PAK4: variants seen among roughly 807,000 people sequenced by gnomAD.
The protein encoded by PAK4 is serine/threonine-protein kinase PAK 4.
Under a neutral mutation model 53.5 loss-of-function variants are expected in PAK4, and 49 were observed. The ratio of observed to expected loss-of-function variants is 0.92; its 90% CI spans 0.73 to 1.16. PAK4 has a LOEUF of 1.16. PAK4 is among the 50% of genes most tolerant of loss of function. PAK4 has a pLI of 0.00. For missense variants in PAK4, 824 were observed against 850.7 expected, an observed-to-expected ratio of 0.97 and a Z score of 0.39; for synonymous variants, 376 against 375.6, an observed-to-expected ratio of 1.00 and a Z score of -0.01.
chr19:39,135,364 C>A lies in PAK4; in HGVS notation c.-23+9445C>A, dbSNP rs541305549. ...TTTTTTTTTTTTTTTGAGATGGAGCCTTGCTCTGTCACCAGGGCTGGAGTG... is the reference window on the plus strand; with the variant it reads ...TTTTTTTTTTTTTTTGAGATGGAGCATTGCTCTGTCACCAGGGCTGGAGTG... On this transcript the variant is annotated intron_variant, in intron 1 of 8. Coordinates refer to ENST00000358301, the Ensembl canonical transcript of PAK4. Among the ~76,000 whole-genome samples the A allele has an allele frequency of 2.4e-5, 3 of 126,038 alleles. No individual in the cohort carries two copies. In the East Asian group the frequency reaches 7.0e-4, roughly 29 times the overall value. The allele number at this position is 126,038 out of a possible 152,430, so 82.7% of individuals were successfully genotyped here.
At chr19:39,160,049 T>C (rs1407679503) in intron 1 of PAK4, among the ~76,000 whole-genome samples, 2 of 152,214 alleles carry the variant, frequency 1.3e-5, no homozygotes, top group Non-Finnish European at 2.9e-5. Flanking sequence ...TGGGCCCCCC[T>C]GCAGTGGGGA....
Position 39,173,462 on chromosome 19 carries a change from G to A in PAK4, c.663+86G>A. The A allele has an allele frequency of 7.5e-7, 1 of 1,339,632 alleles. No homozygotes were observed. Among genetic ancestry groups the A allele is most frequent in the Non-Finnish European group, 1.0e-6 (1 of 988,500 alleles). 83.0% of individuals were successfully genotyped at this position (1,339,632 alleles called of 1,614,324 possible). A position where few individuals can be genotyped will look rare whatever the true frequency, so the allele number is the denominator to read the frequency against. On this transcript the variant is annotated intron_variant, in intron 3 of 8. Transcript: ENST00000358301. This position sits in a 1 kb window ranked among gnomAD's most constrained non-coding sequence, Gnocchi z 6.9. ...CCTTCCAGCCCCGCCCCACCACCGT[G>A]CATCTCATCCTGACCACCCATGTGT...
chr19:39,173,347 G>T lies in PAK4; in HGVS notation c.634G>T (p.Asp212Tyr). Reference sequence around the variant, plus strand: ...GCCCTTTAACACCTACCCGAGGGCTGACACGGACCACCCATCCCGGGGTGC... The same window carrying T: ...GCCCTTTAACACCTACCCGAGGGCTTACACGGACCACCCATCCCGGGGTGC... Residue 212 changes from aspartate to tyrosine, a missense_variant, in exon 3 of 9, where the codon GAC (aspartate) becomes TAC (tyrosine). By Grantham distance (160) the Asp-to-Tyr change is radical. Transcript: ENST00000358301. This position sits in a 1 kb window ranked among gnomAD's most constrained non-coding sequence, Gnocchi z 6.9. 6.4e-7 allele frequency: 1 copy of T among 1,555,172 alleles called. No homozygotes were observed. The highest frequency in any genetic ancestry group is 8.7e-7 in the Non-Finnish European group (1 of 1,148,208).
intron 1 of PAK4, among the ~76,000 whole-genome samples, chr19:39,142,711 A>G (rs1005543616): frequency 1.3e-5 from 2 of 152,182 alleles, no homozygotes; most frequent in Admixed American, 6.5e-5. Flanking sequence ...CCCCTTCCGC[A>G]TCGCGTGGTG....
intron 1 of PAK4, among the ~76,000 whole-genome samples, chr19:39,126,463 C>CGGGGGGGGGGG (rs1568491815): frequency 1.5e-5 from 1 of 67,022 alleles, no homozygotes; most frequent in African/African-American, 6.2e-5. Context: ...GGGGGGGGGC[C>CGGGGGGGGGGG]GGGTCAGAGA....
chr19:39,177,705 A>G, exon 8 of PAK4: 1 of 1,613,510 alleles, frequency 6.2e-7, no homozygotes. Context: ...GATAATGGTG[A>G]TTGAGATGGT....
chr19:39,179,556 A>C (rs1449928783), downstream of PAK4: 3 of 149,912 alleles, frequency 2.0e-5, no homozygotes, highest in Non-Finnish European at 4.4e-5. Context: ...AGGTCATAGC[A>C]GCCAGTAAGC....
rs941816825 is a variant in PAK4 at position 39,177,611 on chromosome 19, G to C, written c.1486-64G>C. 4.4e-5 allele frequency: 68 copies of C among 1,539,890 alleles called. No homozygotes were observed. In the African/African-American group the frequency reaches 7.6e-4, roughly 17 times the overall value. On this transcript the variant is annotated intron_variant, in intron 7 of 8. Transcript: ENST00000358301. ...GACAGCGCTGGAGCGGTCCCTGCCTGAGGCCTCCCCAGGACCCACCATCCC... is the reference window on the plus strand; with the variant it reads ...GACAGCGCTGGAGCGGTCCCTGCCTCAGGCCTCCCCAGGACCCACCATCCC...
chr19:39,177,790 G>C, exon 8 of PAK4: 1 of 1,613,178 alleles, frequency 6.2e-7, no homozygotes, highest in Non-Finnish European at 8.5e-7. Context: ...CTGCCACCCC[G>C]ACTGAAGAAC....
Position 39,169,767 on chromosome 19 carries a change from AC to A in PAK4, c.204+13del. ...GCCCGGGGCCCCCAAGGTATGTGGC[AC>A]CCACCACCACCTCCCCCAGCCCACC... On this transcript the variant is annotated intron_variant, in intron 2 of 8. Transcript: ENST00000358301. 6.3e-7 allele frequency: 1 copy of A among 1,576,126 alleles called. No individual in the cohort carries two copies. Among genetic ancestry groups the A allele is most frequent in the Non-Finnish European group, 8.6e-7 (1 of 1,158,754 alleles).
chr19:39,134,981 G>C (rs2073783661), intron 1 of PAK4: 1 of 152,296 alleles, frequency 6.6e-6, no homozygotes, highest in Admixed American at 6.5e-5. Flanking sequence ...TGGGGTGCCG[G>C]TGCCTGCGTT....
intron 1 of PAK4, among the ~76,000 whole-genome samples, chr19:39,147,597 GTTATA>G (rs2074021890): frequency 6.6e-6 from 1 of 152,150 alleles, no homozygotes; most frequent in South Asian, 2.1e-4. Flanking sequence ...GCTGTACCAT[GTTATA>G]TTATCACCAG....
At chr19:39,128,781 C>T (rs1279924947) in intron 1 of PAK4, among the ~76,000 whole-genome samples, 1 of 152,092 alleles carries the variant, frequency 6.6e-6, no homozygotes, top group Non-Finnish European at 1.5e-5. Flanking sequence ...CATTCCTCTG[C>T]AGCCTTTCAT....
rs2074434946 is a variant in PAK4 at position 39,169,499 on chromosome 19, C to G, written c.-22-33C>G. 5 of 1,465,354 alleles carry G rather than the reference C, an allele frequency of 3.4e-6. No individual in the cohort carries two copies. In the Admixed American group the frequency reaches 8.5e-5, roughly 25 times the overall value. 90.8% of individuals were successfully genotyped at this position (1,465,354 alleles called of 1,614,324 possible). Reference sequence around the variant, plus strand: ...CAGAGGAGGAAGAGACATGGGCAGGCTCTCACTCACCCACCGTGATTCCCT... The same window carrying G: ...CAGAGGAGGAAGAGACATGGGCAGGGTCTCACTCACCCACCGTGATTCCCT... On this transcript the variant is annotated intron_variant, in intron 1 of 8. Coordinates refer to ENST00000358301, the Ensembl canonical transcript of PAK4.
intron 1 of PAK4, among the ~76,000 whole-genome samples, chr19:39,128,681 C>T (rs1356056840): frequency 2.0e-5 from 3 of 152,162 alleles, no homozygotes; most frequent in East Asian, 3.9e-4. Context: ...CAGAACACAC[C>T]GTGATACAGT....
intron 1 of PAK4, among the ~76,000 whole-genome samples, chr19:39,147,984 C>T (rs1262163270): frequency 1.4e-5 from 2 of 140,292 alleles, no homozygotes; most frequent in Non-Finnish European, 3.0e-5. Context: ...TGGAGTCTCA[C>T]TCTGTCGCCC....
At chr19:39,126,800 C>G (rs1310518734) in intron 1 of PAK4, among the ~76,000 whole-genome samples, 1 of 152,296 alleles carries the variant, frequency 6.6e-6, no homozygotes, top group East Asian at 1.9e-4. Context: ...TGTGCCCGGT[C>G]GTATTTCACT....
At position 39,173,772 on chromosome 19, in the gene PAK4, C is replaced by G; in HGVS notation, c.860C>G (p.Pro287Arg). The G allele has an allele frequency of 6.3e-7, 1 of 1,596,548 alleles. No individual in the cohort carries two copies. The highest frequency in any genetic ancestry group is 8.5e-7 in the Non-Finnish European group (1 of 1,173,016). Reference sequence around the variant, plus strand: ...GCCGCCCCTGCTGTTCCTGGGCCCCCTGGCCCCCGCTCACCACAGCGGGAG... The same window carrying G: ...GCCGCCCCTGCTGTTCCTGGGCCCCGTGGCCCCCGCTCACCACAGCGGGAG... The change falls in exon 4 of 9, where the codon CCT becomes CGT. Residue 287 changes from proline to arginine, a missense_variant. Transcript: ENST00000358301. This position sits in a 1 kb window ranked among gnomAD's most constrained non-coding sequence, Gnocchi z 6.9.
intron 1 of PAK4, among the ~76,000 whole-genome samples, chr19:39,165,312 C>T (rs1171385509): frequency 2.1e-5 from 3 of 141,578 alleles, no homozygotes; most frequent in African/African-American, 7.9e-5. Flanking sequence ...ACCATCCTGC[C>T]TAACACAGTG....
Sources: allele counts gnomAD v4.1 joint callset (sites outside exome capture counted in the v4.1 genomes callset), GRCh38; gene constraint gnomAD v4.1.1; non-coding constraint Gnocchi (gnomAD v3.1); transcripts MANE v1.5; gene names NCBI Gene and HGNC (gene_info 2026-07-23, HGNC 2026-07-21).